Variants in FBRSL1 observed in about 807,000 individuals in gnomAD.
FBRSL1 encodes the protein fibrosin like 1, also known as fibrosin-1-like protein.
Under a neutral mutation model 89.6 loss-of-function variants are expected in FBRSL1, and 51 were observed. The observed-to-expected ratio is 0.57, with a 90% confidence interval of 0.45 to 0.72. The LOEUF is 0.72. Among genes scored for constraint, FBRSL1 ranks in the 30% least tolerant of loss-of-function variants. The pLI, the probability that FBRSL1 is intolerant of heterozygous loss-of-function variation, is 0.00. For missense variants in FBRSL1, 1,618 were observed against 1,451.8 expected, an observed-to-expected ratio of 1.11 and a Z score of -1.86; for synonymous variants, 779 against 681.1, an observed-to-expected ratio of 1.14 and a Z score of -2.24.
In FBRSL1 at chr12:132,547,914, G is replaced by A. The variant is rs530139237; in HGVS notation, c.616-89G>A. On this transcript the variant is annotated intron_variant, in intron 4 of 18. Coordinates refer to ENST00000680143, the MANE Select transcript of FBRSL1 (RefSeq NM_001367871.1). The stretch of plus-strand genomic sequence containing the variant: ...GGCAGCAGCCAGGGCCGCCCCACCC[G>A]TGCCCCTGCAGCCTGGCTGCTGCCG... 4.8e-5 allele frequency: 69 copies of A among 1,435,896 alleles called. 1 individual carries two copies. The Middle Eastern group carries it at 6.5e-4, about 14-fold the overall frequency. 88.9% of individuals were successfully genotyped at this position (1,435,896 alleles called of 1,614,324 possible).
intron 6 of FBRSL1, among the ~76,000 whole-genome samples, chr12:132,568,150 T>C (rs2039760964): frequency 6.6e-6 from 1 of 152,184 alleles, no homozygotes; most frequent in Admixed American, 6.5e-5. Flanking sequence ...AGCGTCTTCT[T>C]AGGGCCTCCC....
intron 4 of FBRSL1, among the ~76,000 whole-genome samples, chr12:132,530,070 C>T (rs1349568045): frequency 6.6e-6 from 1 of 152,140 alleles, no homozygotes; most frequent in Admixed American, 6.5e-5. Flanking sequence ...TGATGACACT[C>T]CTCCGCCCTT....
At chr12:132,566,781 G>T (rs925990002) in intron 5 of FBRSL1, among the ~76,000 whole-genome samples, 1 of 151,534 alleles carries the variant, frequency 6.6e-6, no homozygotes, top group Non-Finnish European at 1.5e-5. Flanking sequence ...CACATAGCGC[G>T]GTGTCCTGTG....
In FBRSL1 at chr12:132,576,911, G is replaced by T. The variant is rs772437122; in HGVS notation, c.1814G>T (p.Arg605Leu). Residue 605 changes from arginine (R) to leucine (L), a missense_variant, in exon 15 of 19, where the codon CGG becomes CTG. Coordinates refer to ENST00000680143, the MANE Select transcript of FBRSL1 (RefSeq NM_001367871.1). Reference protein sequence around the residue: ...AGFHYPQDLARPLFPSTGAAH... With the variant: ...AGFHYPQDLALPLFPSTGAAH... ...TTCCACTACCCACAGGACCTGGCCC[G>T]GCCCCTCTTCCCCAGCACAGGTGAG... The T allele has an allele frequency of 1.3e-6, 2 of 1,550,178 alleles. No individual in the cohort carries two copies. The highest frequency in any genetic ancestry group is 4.9e-5 in the East Asian group (2 of 40,916).
At chr12:132,512,811 G>C (rs1423718097) in intron 2 of FBRSL1, among the ~76,000 whole-genome samples, 1 of 152,230 alleles carries the variant, frequency 6.6e-6, no homozygotes. Context: ...GGAAACTGCA[G>C]CCTGGGTCCC....
Position 132,576,819 on chromosome 12 carries a change from C to G in FBRSL1, c.1722C>G (p.His574Gln). Residue 574 changes from histidine to glutamine, a missense_variant, in exon 15 of 19, where the codon CAC becomes CAG. His to Gln is a conservative substitution (Grantham distance 24). Transcript: ENST00000680143. ...CCCAGGAGATGCAGCTGGACCCCCA[C>G]AAGCTGGAGGTGGGTGCAAAGCTGG... Reference protein sequence around the residue: ...QKIKEMQLDPHKLEVGAKLDL... With the variant: ...QKIKEMQLDPQKLEVGAKLDL... The G allele has an allele frequency of 6.4e-7, 1 of 1,550,906 alleles. No homozygotes were observed.
intron 2 of FBRSL1, among the ~76,000 whole-genome samples, chr12:132,512,139 C>T (rs1157906383): frequency 6.6e-6 from 1 of 152,200 alleles, no homozygotes; most frequent in Non-Finnish European, 1.5e-5. Context: ...TTGTACTGTG[C>T]TCAGCATGGG....
At chr12:132,578,367 A>ACACACACACACACACAC (rs1566244737) in intron 15 of FBRSL1, among the ~76,000 whole-genome samples, 12 of 151,868 alleles carry the variant, frequency 7.9e-5, no homozygotes, top group South Asian at 2.1e-4. Context: ...ACACACACAC[A>ACACACACACACACACAC]AAATCATAGA....
chr12:132,498,423 G>A (rs1007552738), intron 1 of FBRSL1, among the ~76,000 whole-genome samples: 2 of 152,184 alleles, frequency 1.3e-5, no homozygotes, highest in African/African-American at 4.8e-5. Flanking sequence ...GGCTGTCGAG[G>A]ACCGCAGCAG....
At position 132,583,639 on chromosome 12, in the gene FBRSL1, C is replaced by G; in HGVS notation, c.2870C>G (p.Pro957Arg). ...PPAAAALGAP[P>R]PLVTAAGPPT... The stretch of plus-strand genomic sequence containing the variant: ...GCCGCCGCCGCCCTCGGCGCACCGC[C>G]CCCCCTGGTGACGGCGGCCGGGCCC... The change falls in exon 19 of 19, where the codon CCC (proline) becomes CGC (arginine). Residue 957 changes from proline (P) to arginine (R), a missense_variant. By Grantham distance (103) the Pro-to-Arg change is moderately radical. Coordinates refer to ENST00000680143, the MANE Select transcript of FBRSL1 (RefSeq NM_001367871.1). The G allele has an allele frequency of 4.0e-6, 4 of 1,009,810 alleles. No individual in the cohort carries two copies. The highest frequency in any genetic ancestry group is 4.7e-6 in the Non-Finnish European group (4 of 846,042). The allele number at this position is 1,009,810 out of a possible 1,614,324, so 62.6% of individuals were successfully genotyped here. A position where few individuals can be genotyped will look rare whatever the true frequency, so the allele number is the denominator to read the frequency against.
chr12:132,518,030 G>T (rs558757488), intron 2 of FBRSL1, among the ~76,000 whole-genome samples: 28 of 152,238 alleles, frequency 1.8e-4, no homozygotes, highest in Non-Finnish European at 3.5e-4. Flanking sequence ...ACCTGCTGGA[G>T]TCCACTCTGA....
intron 11 of FBRSL1, 41 bp downstream of exon 11, chr12:132,572,663 G>A: frequency 7.1e-7 from 1 of 1,413,102 alleles, no homozygotes. Context: ...ACAGCGGGTG[G>A]GTGGATTTTG....
At chr12:132,559,113 G>C (rs548649507) in intron 5 of FBRSL1, among the ~76,000 whole-genome samples, 1 of 152,354 alleles carries the variant, frequency 6.6e-6, no homozygotes, top group South Asian at 2.1e-4. Context: ...GCTGGGCCTC[G>C]ATCCGAGTTC....
intron 2 of FBRSL1, chr12:132,510,784 G>C: frequency 8.7e-7 from 1 of 1,149,600 alleles, no homozygotes; most frequent in Non-Finnish European, 1.1e-6. Context: ...TGCGTGCCCT[G>C]GGAGGGGAAC....
At chr12:132,501,444 A>AG in intron 1 of FBRSL1, among the ~76,000 whole-genome samples, 1 of 152,234 alleles carries the variant, frequency 6.6e-6, no homozygotes, top group South Asian at 2.1e-4. Flanking sequence ...AGCTGTCAGC[A>AG]GGGGTGATGG....
chr12:132,582,682 C>T (rs941338066), intron 18 of FBRSL1, among the ~76,000 whole-genome samples: 2 of 152,080 alleles, frequency 1.3e-5, no homozygotes, highest in Non-Finnish European at 2.9e-5. Context: ...TTCGGGGGTG[C>T]GGCTGCCGGG....
At chr12:132,501,563 CAG>C (rs1267401604) in intron 1 of FBRSL1, among the ~76,000 whole-genome samples, 2 of 152,174 alleles carry the variant, frequency 1.3e-5, no homozygotes, top group African/African-American at 4.8e-5. Context: ...CATGAGTTCA[CAG>C]GGGCCAGTGT....
chr12:132,551,878 C>T (rs908021631), intron 5 of FBRSL1: 6 of 285,904 alleles, frequency 2.1e-5, no homozygotes, highest in East Asian at 8.3e-5. Context: ...CATAGGCAGC[C>T]GCCAGGTGGT....
intron 1 of FBRSL1, among the ~76,000 whole-genome samples, chr12:132,502,716 GGCCTCGAGCCC>G: frequency 7.2e-6 from 1 of 137,992 alleles, no homozygotes; most frequent in Non-Finnish European, 1.5e-5. Flanking sequence ...CCCTGCTTCA[GGCCTCGAGCCC>G]GCTATCCCCA....
Sources: gnomAD v4.1 joint callset for allele counts (sites outside exome capture counted in the v4.1 genomes callset) on GRCh38, gnomAD v4.1.1 for gene constraint, MANE v1.5 for transcripts, NCBI Gene and HGNC (gene_info 2026-07-23, HGNC 2026-07-21) for gene names.